The following IPO11 variants were observed in gnomAD, a reference collection of about 807,000 sequenced individuals.
IPO11 encodes importin-11.
In IPO11, 66 loss-of-function variants were observed where a neutral mutation model predicts 143.2. The ratio of observed to expected loss-of-function variants is 0.46; its 90% confidence interval spans 0.38 to 0.57. The LOEUF (loss-of-function observed/expected upper bound fraction) is 0.57, where lower values mean the gene tolerates loss of function less well. Among genes scored for constraint, IPO11 ranks in the 20% least tolerant of loss-of-function variants. The probability of loss-of-function intolerance (pLI) is 0.00; values close to 1 mark genes in which losing one functional copy is unlikely to be tolerated. For missense variants in IPO11, 1,026 were observed against 1,141.0 expected, an observed-to-expected ratio of 0.90 and a Z score of 1.45; for synonymous variants, 385 against 377.8, an observed-to-expected ratio of 1.02 and a Z score of -0.22.
intron 28 of IPO11, among the ~76,000 whole-genome samples, chr5:62,596,370 C>T (rs1745219698): frequency 6.7e-6 from 1 of 149,594 alleles, no homozygotes. Context: ...CTAGAAAGTA[C>T]AAAACATACC....
intron 1 of IPO11, among the ~76,000 whole-genome samples, chr5:62,419,535 C>T (rs1743425715): frequency 6.6e-6 from 1 of 152,168 alleles, no homozygotes. Context: ...TCCACCTCCA[C>T]ATCTTGTCTC....
At chr5:62,438,928 G>A (rs775611946) in intron 2 of IPO11, among the ~76,000 whole-genome samples, 4 of 151,944 alleles carry the variant, frequency 2.6e-5, no homozygotes, top group South Asian at 2.1e-4. Flanking sequence ...GCATGGTGGC[G>A]GGCGCCTGTA....
intron 27 of IPO11, chr5:62,581,269 G>A: frequency 6.5e-7 from 1 of 1,537,190 alleles, no homozygotes; most frequent in Admixed American, 2.1e-5. Context: ...TCCTGAAAAT[G>A]AGGCACAGGT....
At position 62,601,756 on chromosome 5, in the gene IPO11, T is replaced by A. The variant is rs370383076; in HGVS notation, c.2679-8T>A. ...ATTTAAAACATGTTTTTTAAAAAAT[T>A]ATTATAGCTGTATGTTGATGTCTCA... On this transcript the variant is annotated splice_region_variant and splice_polypyrimidine_tract_variant and intron_variant, in intron 28 of 29. Coordinates refer to ENST00000325324, the MANE Select transcript of IPO11 (RefSeq NM_016338.5). 6.8e-7 allele frequency: 1 copy of A among 1,481,130 alleles called. No homozygotes were observed. The highest frequency in any genetic ancestry group is 9.1e-7 in the Non-Finnish European group (1 of 1,104,712). 91.7% of individuals were successfully genotyped at this position (1,481,130 alleles called of 1,614,324 possible). A position where few individuals can be genotyped will look rare whatever the true frequency, so the allele number is the denominator to read the frequency against.
chr5:62,499,357 G>T (rs932066731), intron 16 of IPO11, among the ~76,000 whole-genome samples: 2 of 152,142 alleles, frequency 1.3e-5, no homozygotes, highest in African/African-American at 4.8e-5. Flanking sequence ...GATAAAAAAC[G>T]TTACACCTCT....
At chr5:62,445,820 A>G (rs180881226) in intron 3 of IPO11, among the ~76,000 whole-genome samples, 1 of 152,164 alleles carries the variant, frequency 6.6e-6, no homozygotes, top group African/African-American at 2.4e-5. Flanking sequence ...TGGGTTTTTC[A>G]GGTGGTAACC....
At chr5:62,450,050 A>G (rs1319350511) in intron 4 of IPO11, 51 bp downstream of exon 4, 2 of 1,170,838 alleles carry the variant, frequency 1.7e-6, no homozygotes, top group African/African-American at 1.6e-5. Context: ...CTGCTTTTCC[A>G]AACTAATTTT....
At chr5:62,430,991 A>AT (rs1301741958) in intron 1 of IPO11, among the ~76,000 whole-genome samples, 2 of 148,150 alleles carry the variant, frequency 1.3e-5, no homozygotes, top group African/African-American at 2.5e-5. Context: ...GCCTTATTTT[A>AT]TTTTTTGAGA....
intron 29 of IPO11, among the ~76,000 whole-genome samples, chr5:62,623,645 C>CTTTTTTT (rs34547621): frequency 7.4e-6 from 1 of 134,270 alleles, no homozygotes; most frequent in Non-Finnish European, 1.6e-5. Context: ...TCTTCTTTTT[C>CTTTTTTT]TTTTTTTTTT....
At chr5:62,624,494 C>T (rs1012934570) in intron 29 of IPO11, among the ~76,000 whole-genome samples, 1 of 151,814 alleles carries the variant, frequency 6.6e-6, no homozygotes, top group African/African-American at 2.4e-5. Context: ...GTGAAGATGA[C>T]CACAGGTCAC....
intron 5 of IPO11, among the ~76,000 whole-genome samples, chr5:62,464,358 C>G (rs1745495346): frequency 6.6e-6 from 1 of 151,828 alleles, no homozygotes; most frequent in Admixed American, 6.6e-5. Context: ...CCAGGATGGT[C>G]TCGATCTTTT....
chr5:62,548,290 C>T (rs1055335550), intron 24 of IPO11, among the ~76,000 whole-genome samples: 1 of 152,066 alleles, frequency 6.6e-6, no homozygotes, highest in African/African-American at 2.4e-5. Context: ...GACAGATGTC[C>T]AATATGTTCA....
chr5:62,452,368 A>T (rs768268426), intron 5 of IPO11, among the ~76,000 whole-genome samples: 9 of 151,386 alleles, frequency 5.9e-5, no homozygotes, highest in Non-Finnish European at 1.2e-4. Flanking sequence ...CTGGGCAGTG[A>T]TATGAATAAA....
At chr5:62,607,273 G>A (rs1258106227) in intron 29 of IPO11, among the ~76,000 whole-genome samples, 1 of 152,160 alleles carries the variant, frequency 6.6e-6, no homozygotes, top group Non-Finnish European at 1.5e-5. Flanking sequence ...CAAAAGGAAA[G>A]TGACACTGTT....
intron 16 of IPO11, among the ~76,000 whole-genome samples, chr5:62,494,342 A>G (rs970341842): frequency 1.3e-5 from 2 of 152,154 alleles, no homozygotes; most frequent in Non-Finnish European, 2.9e-5. Context: ...AAGCTCTACT[A>G]TTATAAAGTA....
chr5:62,591,080 G>A (rs1580360930), intron 27 of IPO11, among the ~76,000 whole-genome samples: 1 of 152,012 alleles, frequency 6.6e-6, no homozygotes, highest in South Asian at 2.1e-4. Context: ...CTATAGGCTT[G>A]CACCACTGCA....
intron 3 of IPO11, among the ~76,000 whole-genome samples, chr5:62,448,293 A>G (rs1744790802): frequency 6.6e-6 from 1 of 152,116 alleles, no homozygotes; most frequent in Non-Finnish European, 1.5e-5. Flanking sequence ...ACAGGGCAGG[A>G]CAGCATGAGA....
At chr5:62,598,620 T>C (rs1208303611) in intron 28 of IPO11, among the ~76,000 whole-genome samples, 1 of 147,426 alleles carries the variant, frequency 6.8e-6, no homozygotes, top group African/African-American at 2.5e-5. Flanking sequence ...TCTCGGCTCA[T>C]TGCAACCTCT....
chr5:62,494,369 A>G (rs1368365025), intron 16 of IPO11, among the ~76,000 whole-genome samples: 3 of 152,102 alleles, frequency 2.0e-5, no homozygotes, highest in African/African-American at 7.2e-5. Context: ...AATTTCTTAG[A>G]AAAAAAGGCA....
Sources: gnomAD v4.1 joint callset for allele counts (sites outside exome capture counted in the v4.1 genomes callset) on GRCh38, gnomAD v4.1.1 for gene constraint, MANE v1.5 for transcripts, NCBI Gene and HGNC (gene_info 2026-07-23, HGNC 2026-07-21) for gene names.